Variants in TEX14 observed in about 807,000 individuals in gnomAD.
The protein encoded by TEX14 is inactive serine/threonine-protein kinase TEX14.
TEX14 carries 168 observed loss-of-function variants against 178.6 expected under a neutral mutation model. That is an observed-to-expected ratio of 0.94 (90% CI 0.83 to 1.07). The LOEUF (loss-of-function observed/expected upper bound fraction) is 1.07. Ranked by LOEUF, TEX14 falls within the 50% of genes least tolerant of loss-of-function variation. The pLI is 0.00. For missense variants in TEX14, 1,730 were observed against 1,753.6 expected, an observed-to-expected ratio of 0.99 and a Z score of 0.24; for synonymous variants, 626 against 634.1, an observed-to-expected ratio of 0.99 and a Z score of 0.19.
At position 58,571,971 on chromosome 17, in the gene TEX14, CCA is replaced by C. The variant is rs1330662679; in HGVS notation, c.3665_3666del (p.Leu1222ArgfsTer8). The C allele has an allele frequency of 2.5e-6, 4 of 1,614,116 alleles. No individual in the cohort carries two copies. The highest frequency in any genetic ancestry group is 3.4e-6 in the Non-Finnish European group (4 of 1,180,008). On this transcript the variant is annotated frameshift_variant, in exon 24 of 32. Transcript: ENST00000349033. LOFTEE classifies it high-confidence loss of function. Reference sequence around the variant, plus strand: ...GTTTCAGAGGAAGTAAGGAGAGAATCCAGTTTCTTTGCTCTCTCTCGGACACT... The same window carrying C: ...GTTTCAGAGGAAGTAAGGAGAGAATCGTTTCTTTGCTCTCTCTCGGACACT... ...FISVRERAKK[L>X]DSLLTSSETP...
In TEX14 at chr17:58,645,420, G is replaced by A. The variant is rs1431714618; in HGVS notation, c.136+6446C>T. 8.6e-5 allele frequency among the ~76,000 whole-genome samples: 13 copies of A among 151,588 alleles called. No individual in the cohort carries two copies. The East Asian group carries it at 2.3e-3, about 27-fold the overall frequency. ...GCTGCCCAGGCTGGAGTGCAGTGGC[G>A]CGATCTCGGCTCACTGCAAGCTCCG... On this transcript the variant is annotated intron_variant, in intron 2 of 31. Coordinates refer to ENST00000349033, the MANE Select transcript of TEX14 (RefSeq NM_031272.5).
At chr17:58,652,928 G>T (rs779393608) in intron 1 of TEX14, among the ~76,000 whole-genome samples, 43 of 152,142 alleles carry the variant, frequency 2.8e-4, no homozygotes, top group Non-Finnish European at 4.3e-4. Context: ...TAAGCAGAGG[G>T]TTGCTGAGAG....
chr17:58,570,128 CATATT>C (rs2044486574), intron 25 of TEX14, among the ~76,000 whole-genome samples: 1 of 150,794 alleles, frequency 6.6e-6, no homozygotes, highest in Admixed American at 6.6e-5. Context: ...TATGCTAAAA[CATATT>C]ATTATATATT....
chr17:58,595,485 A>G (rs1286967955), intron 14 of TEX14, among the ~76,000 whole-genome samples: 1 of 152,226 alleles, frequency 6.6e-6, no homozygotes, highest in African/African-American at 2.4e-5. Flanking sequence ...AACAGAAAGC[A>G]GCGAAAGTGA....
intron 2 of TEX14, among the ~76,000 whole-genome samples, chr17:58,635,181 C>A (rs949038467): frequency 6.6e-6 from 1 of 151,968 alleles, no homozygotes; most frequent in African/African-American, 2.4e-5. Flanking sequence ...CTGGCTACTG[C>A]TGTTGCTATG....
chr17:58,560,093 G>T (rs144843231), intron 29 of TEX14, among the ~76,000 whole-genome samples: 1 of 152,014 alleles, frequency 6.6e-6, no homozygotes, highest in East Asian at 1.9e-4. Flanking sequence ...CCATCCCCCC[G>T]ACCCAACTGG....
chr17:58,559,972 T>G (rs2044240521), intron 29 of TEX14, among the ~76,000 whole-genome samples: 1 of 152,228 alleles, frequency 6.6e-6, no homozygotes, highest in Non-Finnish European at 1.5e-5. Context: ...AAACCATCAT[T>G]TATTTTATCA....
intron 16 of TEX14, 53 bp downstream of exon 16, chr17:58,587,843 A>AGCCCCCCCCCCCCC: frequency 1.8e-6 from 2 of 1,118,854 alleles, no homozygotes; most frequent in East Asian, 2.4e-5. Context: ...GGGTGCCAGA[A>AGCCCCCCCCCCCCC]CCCACCCCCA....
At chr17:58,562,291 AAG>A (rs962404312) in intron 28 of TEX14, among the ~76,000 whole-genome samples, 4 of 152,186 alleles carry the variant, frequency 2.6e-5, no homozygotes, top group African/African-American at 9.7e-5. Flanking sequence ...AAAAGGCTAG[AAG>A]ATGCAGGGTA....
chr17:58,686,861 CTTTTTTTTTTTTTTTTTTT>C (rs71143271), intron 1 of TEX14, among the ~76,000 whole-genome samples: 2 of 71,538 alleles, frequency 2.8e-5, no homozygotes, highest in South Asian at 6.0e-4. Context: ...GAAAGGTCAC[CTTTTTTTTTTTTTTTTTTT>C]TTTTTTTTTT....
chr17:58,623,123 C>T (rs1265880230), intron 3 of TEX14, 111 bp from the exon 4 acceptor site: 3 of 920,216 alleles, frequency 3.3e-6, no homozygotes, highest in South Asian at 1.8e-5. Context: ...ACGTTGGTGA[C>T]GAGGAATATA....
chr17:58,659,314 T>A (rs1001371643), intron 1 of TEX14: 1 of 979,128 alleles, frequency 1.0e-6, no homozygotes, highest in East Asian at 1.1e-4. Flanking sequence ...ATTATTTACT[T>A]AATATTGCTA....
At chr17:58,584,856 G>A (rs1474288338) in intron 18 of TEX14, among the ~76,000 whole-genome samples, 1 of 152,106 alleles carries the variant, frequency 6.6e-6, no homozygotes, top group East Asian at 1.9e-4. Context: ...TAATACCCAA[G>A]CCAATAGATT....
rs1158058526 is a variant in TEX14, at chr17:58,586,028, G to A, written c.2843C>T (p.Pro948Leu). The A allele has an allele frequency of 2.5e-6, 4 of 1,614,074 alleles. No individual in the cohort carries two copies. In the South Asian group the frequency reaches 3.3e-5, roughly 13 times the overall value. Reference sequence around the variant, plus strand: ...AGTCAGACTACTCTGAGGATGCCAAGGAGGTACTGTGAGCTGTCCAGTAGC... The same window carrying A: ...AGTCAGACTACTCTGAGGATGCCAAAGAGGTACTGTGAGCTGTCCAGTAGC... ...KAATGQLTVP[P>L]WHPQSSLTLE... The change falls in exon 18 of 32, where the codon CCT becomes CTT. Residue 948 changes from proline (P) to leucine (L), a missense_variant. Pro to Leu is a moderately conservative substitution (Grantham distance 98). Coordinates refer to ENST00000349033, the MANE Select transcript of TEX14 (RefSeq NM_031272.5).
intron 21 of TEX14, among the ~76,000 whole-genome samples, 168 bp from the exon 22 acceptor site, chr17:58,574,417 T>C (rs970250337): frequency 2.0e-5 from 3 of 151,962 alleles, no homozygotes; most frequent in Non-Finnish European, 4.4e-5. Context: ...TTGGCTCACG[T>C]CTGTAATCCC....
intron 7 of TEX14, among the ~76,000 whole-genome samples, chr17:58,615,558 T>C (rs1001078688): frequency 6.6e-6 from 1 of 152,070 alleles, no homozygotes; most frequent in African/African-American, 2.4e-5. Context: ...AGTCACTGAA[T>C]GCAAGGGAGA....
chr17:58,615,194 GAC>G, intron 8 of TEX14, 36 bp downstream of exon 8: 1 of 1,237,238 alleles, frequency 8.1e-7, no homozygotes, highest in South Asian at 1.2e-5. Flanking sequence ...TCTGTAGAGA[GAC>G]CTGGACCTAT....
At chr17:58,668,977 G>A (rs1158791971) in intron 1 of TEX14, among the ~76,000 whole-genome samples, 1 of 152,138 alleles carries the variant, frequency 6.6e-6, no homozygotes, top group Non-Finnish European at 1.5e-5. Context: ...CACTGTTCTA[G>A]GTAGGCATAA....
At chr17:58,655,948 T>C (rs972760977) in intron 1 of TEX14, among the ~76,000 whole-genome samples, 2 of 152,178 alleles carry the variant, frequency 1.3e-5, no homozygotes, top group Non-Finnish European at 2.9e-5. Flanking sequence ...TCTTTGAGGG[T>C]CCTGTTAAAG....
Sources: gnomAD v4.1 joint callset for allele counts (sites outside exome capture counted in the v4.1 genomes callset) on GRCh38, gnomAD v4.1.1 for gene constraint, MANE v1.5 for transcripts, NCBI Gene and HGNC (gene_info 2026-07-23, HGNC 2026-07-21) for gene names.